Variants in TMEM182 observed in about 807,000 individuals in gnomAD.
TMEM182 encodes the protein transmembrane protein 182.
A neutral mutation model predicts 26.8 loss-of-function variants in TMEM182; 20 were observed. That is an observed-to-expected ratio of 0.75 (90% CI 0.53 to 1.09). The LOEUF is 1.09. TMEM182 is among the 50% of genes least tolerant of loss of function. TMEM182 has a pLI of 0.00. For missense variants in TMEM182, 277 were observed against 275.5 expected, an observed-to-expected ratio of 1.01 and a Z score of -0.04; for synonymous variants, 109 against 102.2, an observed-to-expected ratio of 1.07 and a Z score of -0.40.
intron 3 of TMEM182, among the ~76,000 whole-genome samples, chr2:102,774,512 G>A (rs181566176): frequency 9.2e-5 from 14 of 151,460 alleles, no homozygotes; most frequent in African/African-American, 2.4e-4. Context: ...TGATCTGCCC[G>A]CCTCAGCCTC....
intron 1 of TMEM182, among the ~76,000 whole-genome samples, chr2:102,746,681 C>G (rs551386608): frequency 6.6e-6 from 1 of 152,098 alleles, no homozygotes; most frequent in Non-Finnish European, 1.5e-5. Context: ...GAACCCCTCC[C>G]GGGTTCAAGC....
chr2:102,791,560 A>G (rs756562024), intron 3 of TMEM182, among the ~76,000 whole-genome samples: 23 of 152,208 alleles, frequency 1.5e-4, no homozygotes, highest in Non-Finnish European at 2.9e-4. Context: ...GGAGCTCTTC[A>G]TAGGCCAATT....
chr2:102,798,105 A>G lies in TMEM182; in HGVS notation c.469+105A>G, dbSNP rs13389187. ...GTCAGCCTTCTAGTAACAGTAACAC[A>G]ATAATATTTGTATACAATACTTCTT... On this transcript the variant is annotated intron_variant, in intron 4 of 4. Coordinates refer to ENST00000412401, the MANE Select transcript of TMEM182 (RefSeq NM_144632.5). 3,523 of 1,390,536 alleles carry G rather than the reference A, an allele frequency of 2.5e-3. 88 individuals carry two copies. In the African/African-American group the frequency reaches 0.047, roughly 18 times the overall value. The allele number at this position is 1,390,536 out of a possible 1,614,324, so 86.1% of individuals were successfully genotyped here. A position where few individuals can be genotyped will look rare whatever the true frequency, so the allele number is the denominator to read the frequency against.
At chr2:102,794,284 C>G (rs564288548) in intron 3 of TMEM182, among the ~76,000 whole-genome samples, 1 of 152,268 alleles carries the variant, frequency 6.6e-6, no homozygotes, top group African/African-American at 2.4e-5. Context: ...ACTCCAACAC[C>G]TATGTTTTTC....
intron 1 of TMEM182, among the ~76,000 whole-genome samples, chr2:102,753,235 A>G (rs1211038483): frequency 1.3e-5 from 2 of 150,628 alleles, no homozygotes; most frequent in South Asian, 2.1e-4. Flanking sequence ...ACTTAAATGT[A>G]TTAATAGAAT....
chr2:102,746,830 G>T (rs532305458), intron 1 of TMEM182, among the ~76,000 whole-genome samples: 11 of 152,152 alleles, frequency 7.2e-5, no homozygotes, highest in East Asian at 1.9e-4. Flanking sequence ...CTTATGATTC[G>T]CCCGTCTCGG....
chr2:102,802,822 G>A (rs1036451936), intron 4 of TMEM182, among the ~76,000 whole-genome samples: 6 of 152,224 alleles, frequency 3.9e-5, no homozygotes, highest in African/African-American at 1.4e-4. Flanking sequence ...GGCATTGGGA[G>A]ATCAGCCATA....
chr2:102,830,853 C>T (rs899019337), intron 3 of TMEM182, among the ~76,000 whole-genome samples: 1 of 152,134 alleles, frequency 6.6e-6, no homozygotes, highest in Non-Finnish European at 1.5e-5. Context: ...TCCCACTACC[C>T]TTCCACTACC....
At chr2:102,805,018 AT>A (rs1682291585) in intron 4 of TMEM182, among the ~76,000 whole-genome samples, 2 of 152,194 alleles carry the variant, frequency 1.3e-5, no homozygotes. Flanking sequence ...CTTCCTTCAA[AT>A]TTTAATGTGG....
chr2:102,787,236 G>A (rs534167178), intron 3 of TMEM182, among the ~76,000 whole-genome samples: 27 of 152,282 alleles, frequency 1.8e-4, no homozygotes, highest in South Asian at 4.2e-4. Context: ...ACAGCCTGGC[G>A]GCTTAAACAA....
chr2:102,824,775 C>T (rs1239722793), intron 3 of TMEM182, among the ~76,000 whole-genome samples: 1 of 151,562 alleles, frequency 6.6e-6, no homozygotes, highest in Non-Finnish European at 1.5e-5. Context: ...TGCAGTGAGC[C>T]GAGATCACAC....
chr2:102,772,607 G>T lies in TMEM182; in HGVS notation c.331+8180G>T, dbSNP rs1680724993. Among the ~76,000 whole-genome samples the T allele has an allele frequency of 2.0e-5, 3 of 150,800 alleles. No homozygotes were observed. The South Asian group carries it at 6.2e-4, about 31-fold the overall frequency. ...AGCACAGGGACTGGCTCATGGTAAG[G>T]GTTCTATGGGGGTACAAGCTGGGCT... is the stretch of plus-strand genomic sequence containing the variant. On this transcript the variant is annotated intron_variant, in intron 3 of 4. Coordinates refer to ENST00000412401, the MANE Select transcript of TMEM182 (RefSeq NM_144632.5).
upstream of TMEM182, among the ~76,000 whole-genome samples, chr2:102,758,902 T>C (rs1680125825): frequency 6.6e-6 from 1 of 152,212 alleles, no homozygotes; most frequent in South Asian, 2.1e-4. Context: ...CATACCTAGT[T>C]CCTGAGGCAA....
intron 1 of TMEM182, among the ~76,000 whole-genome samples, chr2:102,740,424 A>G (rs975890258): frequency 6.6e-6 from 1 of 152,056 alleles, no homozygotes; most frequent in African/African-American, 2.4e-5. Flanking sequence ...CCTTGCTGCT[A>G]CACCCTGTAA....
At chr2:102,833,261 T>C (rs1219583265) in intron 3 of TMEM182, among the ~76,000 whole-genome samples, 1 of 152,100 alleles carries the variant, frequency 6.6e-6, no homozygotes, top group South Asian at 2.1e-4. Flanking sequence ...CAGTCATAGA[T>C]AGACTTTTTG....
At chr2:102,779,456 G>T (rs567539093) in intron 3 of TMEM182, among the ~76,000 whole-genome samples, 2 of 152,036 alleles carry the variant, frequency 1.3e-5, no homozygotes, top group South Asian at 4.1e-4. Flanking sequence ...TTTAGGAGAC[G>T]TGAATGTTAG....
chr2:102,816,795 G>T lies in TMEM182; in HGVS notation c.*1827G>T. 1.0e-6 allele frequency: 1 copy of T among 985,782 alleles called. No homozygotes were observed. The highest frequency in any genetic ancestry group is 4.7e-5 in the South Asian group (1 of 21,288). The allele number at this position is 985,782 out of a possible 1,614,324, so 61.1% of individuals were successfully genotyped here. ...TGTATCTGATTAGTTCATGTCATCT[G>T]TAAATACAATTCTTTTTTGTAGTAC... On this transcript the variant is annotated 3_prime_UTR_variant, in exon 5 of 5. Coordinates refer to ENST00000412401, the MANE Select transcript of TMEM182 (RefSeq NM_144632.5).
At position 102,836,807 on chromosome 2, in the gene TMEM182, T is replaced by C. The variant is rs115007312; in HGVS notation, c.326-6605T>C. Among the ~76,000 whole-genome samples, 479 of 152,274 alleles carry C rather than the reference T, an allele frequency of 3.1e-3. 3 individuals carry two copies. Among genetic ancestry groups the C allele is most frequent in the African/African-American group, 0.011 (446 of 41,548 alleles). On this transcript the variant is annotated intron_variant, in intron 3 of 3. Transcript: ENST00000486293. ...CAGCTGTGCTGCCCCACAGACAACTTCTCAGCCTTCAGTCATGGCAGGGTT... is the reference window on the plus strand; with the variant it reads ...CAGCTGTGCTGCCCCACAGACAACTCCTCAGCCTTCAGTCATGGCAGGGTT...
chr2:102,754,633 T>G (rs1459833508), intron 1 of TMEM182, among the ~76,000 whole-genome samples: 1 of 152,258 alleles, frequency 6.6e-6, no homozygotes, highest in Non-Finnish European at 1.5e-5. Context: ...CGTTAGGTGT[T>G]GAGCAATGGC....
Sources: gnomAD v4.1 joint callset for allele counts (sites outside exome capture counted in the v4.1 genomes callset) on GRCh38, gnomAD v4.1.1 for gene constraint, MANE v1.5 for transcripts, NCBI Gene and HGNC (gene_info 2026-07-23, HGNC 2026-07-21) for gene names.